MISP: variants seen among roughly 807,000 people sequenced by gnomAD.
The protein encoded by MISP is mitotic spindle positioning, also known as mitotic interactor and substrate of PLK1.
In MISP, 51 loss-of-function variants were observed where a neutral mutation model predicts 49.3. The ratio of observed to expected loss-of-function variants is 1.03; its 90% confidence interval spans 0.83 to 1.31. The LOEUF is 1.31. Ranked by LOEUF, MISP falls within the 50% of genes most tolerant of loss-of-function variation. The pLI, the probability that MISP is intolerant of heterozygous loss-of-function variation, is 0.00. For synonymous variants in MISP, 444 were observed against 392.6 expected (o/e 1.13, Z -1.55); for missense variants, 1,084 against 935.1 (o/e 1.16, Z -2.08).
intron 1 of MISP, among the ~76,000 whole-genome samples, chr19:753,630 G>A (rs750835237): frequency 3.3e-5 from 5 of 151,490 alleles, no homozygotes; most frequent in Admixed American, 1.3e-4. Context: ...CTCGTGATCC[G>A]CCAAAGTGCT....
At chr19:761,566 C>A (rs929577902) in intron 3 of MISP, 59 bp from the exon 4 acceptor site, 2 of 1,599,636 alleles carry the variant, frequency 1.3e-6, no homozygotes, top group Non-Finnish European at 1.7e-6. Flanking sequence ...GAGCTCTGGT[C>A]GGACTCTGCA....
chr19:752,523 CA>C (rs1378936718), intron 1 of MISP, among the ~76,000 whole-genome samples: 41 of 81,006 alleles, frequency 5.1e-4, no homozygotes, highest in Non-Finnish European at 3.4e-4. Flanking sequence ...GACTCTATCT[CA>C]AAAAAAAAAG....
chr19:761,982 C>A (rs1443173873), intron 4 of MISP, among the ~76,000 whole-genome samples: 2 of 152,118 alleles, frequency 1.3e-5, no homozygotes, highest in African/African-American at 4.8e-5. Context: ...GAGTCTCGCT[C>A]TGTCGCCCAG....
In MISP at chr19:761,936, T is replaced by TTTTTTG. The variant is rs750908371; in HGVS notation, c.1950+298_1950+303dup. Among the ~76,000 whole-genome samples, 6 of 152,192 alleles carry TTTTTTG rather than the reference T, an allele frequency of 3.9e-5. No homozygotes were observed. In the East Asian group the frequency reaches 7.8e-4, roughly 20 times the overall value. ...CCCCAAACAAAGGCAATGTTGCTTT[T>TTTTTTG]TTTTTGTTTTTGTTTTTGTTTTTGT... On this transcript the variant is annotated intron_variant, in intron 4 of 4. Transcript: ENST00000215582.
chr19:761,583 A>C (rs370460847), intron 3 of MISP, 42 bp from the exon 4 acceptor site: 12 of 1,611,886 alleles, frequency 7.4e-6, no homozygotes, highest in African/African-American at 6.7e-5. Flanking sequence ...TGCACCGGGC[A>C]GGGCAGAAAG....
rs1226229485 is a variant in MISP, at chr19:758,073, C to T, written c.1127C>T (p.Ser376Phe). 2 of 1,573,810 alleles carry T rather than the reference C, an allele frequency of 1.3e-6. No individual in the cohort carries two copies. The highest frequency in any genetic ancestry group is 2.7e-5 in the African/African-American group (2 of 74,286). Reference sequence around the variant, plus strand: ...GAGGGCCTGCACGTGGGCCGGGCGTCCACACCCGACTGGGTCTCGGAGGGT... The same window carrying T: ...GAGGGCCTGCACGTGGGCCGGGCGTTCACACCCGACTGGGTCTCGGAGGGT... ...RREGLHVGRA[S>F]TPDWVSEGPQ... is the part of the protein sequence containing the mutation. Residue 376 changes from serine (S) to phenylalanine (F), a missense_variant, in exon 2 of 5, where the codon TCC (serine) becomes TTC (phenylalanine). Physicochemically the swap from Ser to Phe is radical, Grantham distance 155 (BLOSUM62 -2). Transcript: ENST00000215582.
intron 4 of MISP, among the ~76,000 whole-genome samples, chr19:762,310 T>G (rs1568245771): frequency 6.7e-6 from 1 of 149,372 alleles, no homozygotes; most frequent in Admixed American, 6.8e-5. Flanking sequence ...TGGAGTGGAG[T>G]GGCTTGACCT....
chr19:759,930 TG>T lies in MISP; in HGVS notation c.1803del (p.Ser602LeufsTer56). The part of the protein sequence containing the change: ...QASGITGSYS[V>X]SESPFFSPIH... ...ACAGGCATCACGGGCAGTTACTCGG[TG>T]TCTGAGTCTCCCTTCTTCAGCCCCA... On this transcript the variant is annotated frameshift_variant, in exon 3 of 5. Coordinates refer to ENST00000215582, the MANE Select transcript of MISP (RefSeq NM_173481.4). LOFTEE classifies it high-confidence loss of function. 6.2e-7 allele frequency: 1 copy of T among 1,614,100 alleles called. No individual in the cohort carries two copies. Among genetic ancestry groups the T allele is most frequent in the Middle Eastern group, 1.7e-4 (1 of 6,060 alleles).
At chr19:756,701 A>G (rs1303739616) in intron 1 of MISP, among the ~76,000 whole-genome samples, 189 bp from the exon 2 acceptor site, 1 of 151,664 alleles carries the variant, frequency 6.6e-6, no homozygotes, top group Non-Finnish European at 1.5e-5. Flanking sequence ...ACTGTCACTT[A>G]CGCACCCCTA....
chr19:752,277 C>T (rs531253381), intron 1 of MISP, among the ~76,000 whole-genome samples: 14 of 152,318 alleles, frequency 9.2e-5, no homozygotes, highest in Non-Finnish European at 1.2e-4. Flanking sequence ...CCGAGGGCAG[C>T]GCCGCTGCCC....
intron 1 of MISP, among the ~76,000 whole-genome samples, chr19:751,720 G>GTGGTAGCCT (rs2033462931): frequency 6.6e-6 from 1 of 152,150 alleles, no homozygotes; most frequent in Non-Finnish European, 1.5e-5. Flanking sequence ...TGGGGGTGAG[G>GTGGTAGCCT]TGGTAGCCTG....
intron 1 of MISP, among the ~76,000 whole-genome samples, chr19:756,242 C>A (rs1832611961): frequency 6.6e-6 from 1 of 152,174 alleles, no homozygotes; most frequent in Non-Finnish European, 1.5e-5. Flanking sequence ...GGAAGAGGGT[C>A]CCATCTTCTG....
rs1269992918 is a variant in MISP at position 758,181 on chromosome 19, C to T, written c.1235C>T (p.Pro412Leu). Residue 412 changes from proline (P) to leucine (L), a missense_variant, in exon 2 of 5, where the codon CCA becomes CTA. Transcript: ENST00000215582. ...APDARAADPA[P>L]EVRKVNRIPP... ...GATGCCCGTGCGGCCGACCCAGCTC[C>T]AGAAGTGAGGAAGGTGAACCGCATC... 1 of 1,612,780 alleles carries T rather than the reference C, an allele frequency of 6.2e-7. No individual in the cohort carries two copies. Among genetic ancestry groups the T allele is most frequent in the East Asian group, 2.2e-5 (1 of 44,852 alleles).
At position 760,008 on chromosome 19, in the gene MISP, C is replaced by T. The variant is rs778165912; in HGVS notation, c.1880C>T (p.Ala627Val). Residue 627 changes from alanine (A) to valine (V), a missense_variant, in exon 3 of 5, where the codon GCT (alanine) becomes GTT (valine). Transcript: ENST00000215582. The stretch of plus-strand genomic sequence containing the variant: ...ACAGTGGAAGATCCAGTGGACAGTG[C>T]TCCTCCCGGGCAGAGAAAGAAGGAG... The part of the protein sequence containing the change: ...AWTVEDPVDS[A>V]PPGQRKKEQW... The T allele has an allele frequency of 1.2e-6, 2 of 1,613,994 alleles. No homozygotes were observed. The highest frequency in any genetic ancestry group is 2.7e-5 in the African/African-American group (2 of 75,014).
At chr19:751,765 G>A (rs1411808027) in intron 1 of MISP, among the ~76,000 whole-genome samples, 8 of 152,180 alleles carry the variant, frequency 5.3e-5, no homozygotes, top group Admixed American at 1.3e-4. Flanking sequence ...TCGGCCCAGC[G>A]TCTGCCGGTG....
At chr19:755,115 C>G (rs1057151988) in intron 1 of MISP, among the ~76,000 whole-genome samples, 1 of 152,098 alleles carries the variant, frequency 6.6e-6, no homozygotes, top group Non-Finnish European at 1.5e-5. Context: ...GGGTTTCGTG[C>G]TAAGGCCAGG....
At chr19:752,872 C>A (rs1291144620) in intron 1 of MISP, among the ~76,000 whole-genome samples, 1 of 152,228 alleles carries the variant, frequency 6.6e-6, no homozygotes, top group Non-Finnish European at 1.5e-5. Flanking sequence ...TGGACCTGCC[C>A]AGCCCTTCAG....
rs747102485 is a variant in MISP, at chr19:759,951, G to A, written c.1823G>A (p.Ser608Asn). ...TCGGTGTCTGAGTCTCCCTTCTTCA[G>A]CCCCATCCACCTACACTCAAACGTG... Reference protein sequence around the residue: ...SYSVSESPFFSPIHLHSNVAW... With the variant: ...SYSVSESPFFNPIHLHSNVAW... The change falls in exon 3 of 5, where the codon AGC becomes AAC. Residue 608 changes from serine (S) to asparagine (N), a missense_variant. Physicochemically the swap from Ser to Asn is conservative, Grantham distance 46. Transcript: ENST00000215582. The A allele has an allele frequency of 6.2e-7, 1 of 1,614,076 alleles. No individual in the cohort carries two copies. Among genetic ancestry groups the A allele is most frequent in the Admixed American group, 1.7e-5 (1 of 60,006 alleles).
rs1269290846 is a variant in MISP, at chr19:760,189, G to T, written c.1911+150G>T. 7.2e-6 allele frequency: 6 copies of T among 838,372 alleles called. 1 individual carries two copies. The highest frequency in any genetic ancestry group is 9.2e-6 in the Non-Finnish European group (5 of 545,494). The allele number at this position is 838,372 out of a possible 1,614,324, so 51.9% of individuals were successfully genotyped here. The stretch of plus-strand genomic sequence containing the variant: ...TGCCTCAGTCTCCTGCAGATGTCAG[G>T]TAGAAGATGATAAACTTGGTGTCCT... On this transcript the variant is annotated intron_variant, in intron 3 of 4. Coordinates refer to ENST00000215582, the MANE Select transcript of MISP (RefSeq NM_173481.4).
Sources: allele counts gnomAD v4.1 joint callset (sites outside exome capture counted in the v4.1 genomes callset), GRCh38; gene constraint gnomAD v4.1.1; transcripts MANE v1.5; gene names NCBI Gene and HGNC (gene_info 2026-07-23, HGNC 2026-07-21).